The following SULT1A2 variants were observed in gnomAD, a reference collection of about 807,000 sequenced individuals.
The protein encoded by SULT1A2 is sulfotransferase 1A2.
A neutral mutation model predicts 36.0 loss-of-function variants in SULT1A2; 33 were observed. That is an observed-to-expected ratio of 0.92 (90% confidence interval 0.69 to 1.22). SULT1A2 has a LOEUF of 1.22. SULT1A2 is among the 50% of genes most tolerant of loss of function. The pLI, the probability that SULT1A2 is intolerant of heterozygous loss-of-function variation, is 0.00. For missense variants in SULT1A2, 367 were observed against 383.2 expected (o/e 0.96, Z 0.35); for synonymous variants, 138 against 144.5 (o/e 0.96, Z 0.32).
At chr16:28,593,213 C>T (rs1315549656) in intron 6 of SULT1A2, 39 bp downstream of exon 6, 7 of 1,611,692 alleles carry the variant, frequency 4.3e-6, no homozygotes, top group Non-Finnish European at 5.1e-6. Flanking sequence ...TGCCTGCCCC[C>T]AGGTGTCACG....
At chr16:28,594,121 C>G (rs1460625034) in intron 4 of SULT1A2, among the ~76,000 whole-genome samples, 1 of 136,310 alleles carries the variant, frequency 7.3e-6, no homozygotes, top group Admixed American at 7.7e-5. Context: ...GGGGGGGACT[C>G]TAGGTCTCAA....
rs373442888 is a variant in SULT1A2 at position 28,592,312 on chromosome 16, G to C, written c.726C>G (p.Thr242=). Residue 242 remains threonine, a synonymous_variant, in exon 7 of 8, where the codon ACC becomes ACG. Coordinates refer to ENST00000335715, the MANE Select transcript of SULT1A2 (RefSeq NM_001054.4). Reference sequence around the variant, plus strand: ...TGTGGTCCATGAACTCCCGGCGGACGGTGGTGTAGTTGGTCATAGGGTTCT... The same window carrying C: ...TGTGGTCCATGAACTCCCGGCGGACCGTGGTGTAGTTGGTCATAGGGTTCT... ...MKKNPMTNYT[T]VRREFMDHSI... is the part of the protein sequence containing the mutation. 1 of 1,613,962 alleles carries C rather than the reference G, an allele frequency of 6.2e-7. No homozygotes were observed. The highest frequency in any genetic ancestry group is 8.5e-7 in the Non-Finnish European group (1 of 1,179,864).
Position 28,595,333 on chromosome 16 carries a change from G to C in SULT1A2, c.372+34C>G, listed in dbSNP as rs746266850. 1.4e-5 allele frequency: 22 copies of C among 1,612,394 alleles called. No individual in the cohort carries two copies. The South Asian group carries it at 2.0e-4, about 15-fold the overall frequency. On this transcript the variant is annotated intron_variant, in intron 4 of 7. Coordinates refer to ENST00000335715, the MANE Select transcript of SULT1A2 (RefSeq NM_001054.4). ...CCACCTCAGCCTCCCAAAGTACTGA[G>C]ATTGCGGGTGTGAACCACTGTGCCC...
chr16:28,596,942 A>C lies in SULT1A2; in HGVS notation c.-5+55T>G, dbSNP rs540737172. On this transcript the variant is annotated intron_variant, in intron 1 of 7. Transcript: ENST00000335715. ...GAGGCCTCGGCTTCTGGAATGTTGG[A>C]GCCACAAGCTGAGCAGGGTGAGGGC... 28 of 1,154,886 alleles carry C rather than the reference A, an allele frequency of 2.4e-5. No homozygotes were observed. In the African/African-American group the frequency reaches 4.2e-4, roughly 17 times the overall value. 71.5% of individuals were successfully genotyped at this position (1,154,886 alleles called of 1,614,324 possible).
At position 28,592,300 on chromosome 16, in the gene SULT1A2, C is replaced by G; in HGVS notation, c.738G>C (p.Glu246Asp). 1 of 1,613,976 alleles carries G rather than the reference C, an allele frequency of 6.2e-7. No individual in the cohort carries two copies. The highest frequency in any genetic ancestry group is 1.3e-5 in the African/African-American group (1 of 75,052). The change falls in exon 7 of 8, where the codon GAG becomes GAC. Residue 246 changes from glutamate (E) to aspartate (D), a missense_variant. Physicochemically the swap from Glu to Asp is conservative, Grantham distance 45 (BLOSUM62 2). Coordinates refer to ENST00000335715, the MANE Select transcript of SULT1A2 (RefSeq NM_001054.4). ...PMTNYTTVRR[E>D]FMDHSISPFM... is the part of the protein sequence containing the mutation. ...AGGGGGAGATGCTGTGGTCCATGAA[C>G]TCCCGGCGGACGGTGGTGTAGTTGG...
rs753662860 is a variant in SULT1A2 at position 28,593,419 on chromosome 16, T to C, written c.499+23A>G. On this transcript the variant is annotated intron_variant, in intron 5 of 7. Coordinates refer to ENST00000335715, the MANE Select transcript of SULT1A2 (RefSeq NM_001054.4). ...AGCCACCACCCCTTAGCTCCACACC[T>C]TCCTTCCTCCCATCAAGCCCACCTT... 5.2e-5 allele frequency: 84 copies of C among 1,614,056 alleles called. No homozygotes were observed. The Admixed American group carries it at 9.0e-4, about 17-fold the overall frequency.
At chr16:28,595,724 C>G in intron 2 of SULT1A2, 49 bp from the exon 3 acceptor site, 1 of 1,612,504 alleles carries the variant, frequency 6.2e-7, no homozygotes, top group South Asian at 1.1e-5. Context: ...TGAGCATGAC[C>G]TCGCTGGCCA....
chr16:28,596,309 C>T (rs71391317), intron 1 of SULT1A2: 36,246 of 1,163,346 alleles, frequency 0.031, 713 homozygotes, highest in Non-Finnish European at 0.035. Flanking sequence ...TGCCAGCCAG[C>T]GCCCTTTGTC....
At chr16:28,594,090 T>C (rs1596613304) in intron 4 of SULT1A2, among the ~76,000 whole-genome samples, 1 of 124,992 alleles carries the variant, frequency 8.0e-6, no homozygotes, top group Non-Finnish European at 1.7e-5. Flanking sequence ...CTTTTTGTTG[T>C]GGTTTTTTTT....
In SULT1A2 at chr16:28,592,446, G is replaced by A. The variant is rs1470885635; in HGVS notation, c.595-3C>T. 2 of 1,614,184 alleles carry A rather than the reference G, an allele frequency of 1.2e-6. No individual in the cohort carries two copies. Among genetic ancestry groups the A allele is most frequent in the East Asian group, 4.5e-5 (2 of 44,878 alleles). On this transcript the variant is annotated splice_region_variant and splice_polypyrimidine_tract_variant and intron_variant, in intron 6 of 7. Transcript: ENST00000335715. The stretch of plus-strand genomic sequence containing the variant: ...TTTTGAATCTCCCTTTTGGGGTTCT[G>A]AGCAGCAGAGGGCTCCTCAGTGGAG...
chr16:28,594,758 T>A (rs1015444662), intron 4 of SULT1A2, among the ~76,000 whole-genome samples: 2 of 133,668 alleles, frequency 1.5e-5, no homozygotes, highest in South Asian at 2.5e-4. Context: ...CCCAGCCCCC[T>A]GCCACCTGCC....
Position 28,593,286 on chromosome 16 carries a change from G to C in SULT1A2, c.560C>G (p.Pro187Arg), listed in dbSNP as rs1299620898. The C allele has an allele frequency of 6.2e-7, 1 of 1,614,008 alleles. No individual in the cohort carries two copies. The highest frequency in any genetic ancestry group is 8.5e-7 in the Non-Finnish European group (1 of 1,180,044). Residue 187 changes from proline (P) to arginine (R), a missense_variant, in exon 6 of 8, where the codon CCT (proline) becomes CGT (arginine). By Grantham distance (103) the Pro-to-Arg change is moderately radical. Transcript: ENST00000335715. ...GTCTTCATAGAAGAGGTAGAGAACAGGGTGGGTGCGGCTCAGCTCCCACCA... is the reference window on the plus strand; with the variant it reads ...GTCTTCATAGAAGAGGTAGAGAACACGGTGGGTGCGGCTCAGCTCCCACCA... ...QEWWELSRTH[P>R]VLYLFYEDMK...
At position 28,595,353 on chromosome 16, in the gene SULT1A2, G is replaced by T; in HGVS notation, c.372+14C>A. The T allele has an allele frequency of 6.2e-7, 1 of 1,613,752 alleles. No individual in the cohort carries two copies. On this transcript the variant is annotated intron_variant, in intron 4 of 7. Coordinates refer to ENST00000335715, the MANE Select transcript of SULT1A2 (RefSeq NM_001054.4). ...ACTGAGATTGCGGGTGTGAACCACT[G>T]TGCCCAGTCTCACCTTGACCTTCTG...
chr16:28,595,854 T>C lies in SULT1A2; in HGVS notation c.77A>G (p.Glu26Gly), dbSNP rs751521435. 4 of 1,611,584 alleles carry C rather than the reference T, an allele frequency of 2.5e-6. No individual in the cohort carries two copies. In the South Asian group the frequency reaches 4.4e-5, roughly 18 times the overall value. Residue 26 changes from glutamate (E) to glycine (G), a missense_variant, in exon 2 of 8, where the codon GAG becomes GGG. Transcript: ENST00000335715. ...KGVPLIKYFA[E>G]ALGPLQSFQA... ...GAAGCTCTGCAGGGGCCCCAGTGCC[T>C]CTGCAAAGTACTTGATGAGCGGGAC... is the stretch of plus-strand genomic sequence containing the variant.
intron 6 of SULT1A2, 176 bp from the exon 7 acceptor site, chr16:28,592,619 T>A: frequency 8.2e-7 from 1 of 1,221,382 alleles, no homozygotes; most frequent in South Asian, 1.5e-5. Context: ...CTGTCTGCCC[T>A]GTGATCCCAT....
rs147658062 is a variant in SULT1A2 at position 28,593,616 on chromosome 16, C to T, written c.373-48G>A. 2.1e-3 allele frequency: 3,390 copies of T among 1,609,652 alleles called. 8 individuals carry two copies. The highest frequency in any genetic ancestry group is 2.4e-3 in the Non-Finnish European group (2,840 of 1,176,916). ...CCCAGCACCATCACCACACAGCCTG[C>T]CCCAGGCCAGCTCATCTCTTGGTTT... is the stretch of plus-strand genomic sequence containing the variant. On this transcript the variant is annotated intron_variant, in intron 4 of 7. Coordinates refer to ENST00000335715, the MANE Select transcript of SULT1A2 (RefSeq NM_001054.4).
rs763764485 is a variant in SULT1A2, at chr16:28,595,677, T to G, written c.149-2A>C. 6.2e-7 allele frequency: 1 copy of G among 1,613,916 alleles called. No individual in the cohort carries two copies. Among genetic ancestry groups the G allele is most frequent in the Non-Finnish European group, 8.5e-7 (1 of 1,179,908 alleles). ...GAATCTGGCTCACCCAGGTGGTGCC[T>G]GGAGAGGGAGGGAGATGGGAGGTGA... On this transcript the variant is annotated splice_acceptor_variant, in intron 2 of 7. Coordinates refer to ENST00000335715, the MANE Select transcript of SULT1A2 (RefSeq NM_001054.4). LOFTEE classifies it high-confidence loss of function.
chr16:28,592,024 C>T lies in SULT1A2; in HGVS notation c.*4G>A, dbSNP rs1443988914. The T allele has an allele frequency of 6.2e-7, 1 of 1,611,598 alleles. No homozygotes were observed. The highest frequency in any genetic ancestry group is 1.3e-5 in the African/African-American group (1 of 74,878). On this transcript the variant is annotated 3_prime_UTR_variant, in exon 8 of 8. Transcript: ENST00000335715. ...TCCCTCTGCAGTGACTCCAGGAACC[C>T]CTCTCACAGCTCAGAGCGGAAGCTG...
Position 28,592,082 on chromosome 16 carries a change from C to G in SULT1A2, c.834G>C (p.Ala278=). 6.2e-7 allele frequency: 1 copy of G among 1,612,086 alleles called. No individual in the cohort carries two copies. The highest frequency in any genetic ancestry group is 1.1e-5 in the South Asian group (1 of 90,996). The change falls in exon 8 of 8, where the codon GCG becomes GCC. Residue 278 remains alanine (A), a synonymous_variant. Transcript: ENST00000335715. ...AGCCTGCCATCTTCTTCGCATAGTC[C>G]GCATCGAAGCGCTCATTCTGCGCCA... ...FTVAQNERFD[A]DYAKKMAGCS...
Sources: gnomAD v4.1 joint callset for allele counts (sites outside exome capture counted in the v4.1 genomes callset) on GRCh38, gnomAD v4.1.1 for gene constraint, MANE v1.5 for transcripts, NCBI Gene and HGNC (gene_info 2026-07-23, HGNC 2026-07-21) for gene names.